The following PRDM2 variants were observed in gnomAD, a reference collection of about 807,000 sequenced individuals.
PRDM2 encodes PR/SET domain 2.
PRDM2 carries 30 observed loss-of-function variants against 130.0 expected under a neutral mutation model. The observed-to-expected ratio is 0.23, with a 90% CI of 0.17 to 0.31. PRDM2 has a LOEUF of 0.31. Among genes scored for constraint, PRDM2 ranks in the 10% least tolerant of loss-of-function variants. PRDM2 has a pLI of 1.00. For synonymous variants in PRDM2, 871 were observed against 782.4 expected, an observed-to-expected ratio of 1.11 and a Z score of -1.89; for missense variants, 2,011 against 2,108.4, an observed-to-expected ratio of 0.95 and a Z score of 0.90.
chr1:13,749,291 G>T, intron 5 of PRDM2, 70 bp from the exon 6 acceptor site: 2 of 1,284,992 alleles, frequency 1.6e-6, no homozygotes, highest in South Asian at 1.5e-5. Flanking sequence ...CCGCGTCCCG[G>T]TGCGCGCCCC....
chr1:13,724,251 G>A (rs1212166239), intron 2 of PRDM2, among the ~76,000 whole-genome samples: 1 of 152,184 alleles, frequency 6.6e-6, no homozygotes, highest in East Asian at 1.9e-4. Context: ...GGCATTGACA[G>A]TAAGTTGTTG....
At chr1:13,730,018 T>C (rs1203303205) in intron 2 of PRDM2, among the ~76,000 whole-genome samples, 1 of 152,208 alleles carries the variant, frequency 6.6e-6, no homozygotes, top group Non-Finnish European at 1.5e-5. Context: ...TGGGAAAAAT[T>C]AATCTTTTTT....
chr1:13,808,916 C>A (rs1296484222), intron 8 of PRDM2, among the ~76,000 whole-genome samples: 1 of 152,194 alleles, frequency 6.6e-6, no homozygotes, highest in African/African-American at 2.4e-5. Context: ...ACAGAAGCAT[C>A]TCCAGAGCAG....
intron 6 of PRDM2, among the ~76,000 whole-genome samples, chr1:13,767,860 A>G (rs1364916255): frequency 6.6e-6 from 1 of 151,974 alleles, no homozygotes; most frequent in Non-Finnish European, 1.5e-5. Context: ...CTGTAGTTTC[A>G]GCTACATAGG....
intron 6 of PRDM2, among the ~76,000 whole-genome samples, chr1:13,770,709 A>T (rs1644341120): frequency 6.6e-6 from 1 of 152,222 alleles, no homozygotes; most frequent in Non-Finnish European, 1.5e-5. Flanking sequence ...GATCAGTAAA[A>T]AAAGGCCACA....
chr1:13,805,308 A>T (rs1028551493), intron 8 of PRDM2, among the ~76,000 whole-genome samples: 1 of 152,100 alleles, frequency 6.6e-6, no homozygotes, highest in Non-Finnish European at 1.5e-5. Context: ...TCCGTAATGG[A>T]GCTAGGATTC....
chr1:13,791,756 G>A (rs566840965), intron 8 of PRDM2, among the ~76,000 whole-genome samples: 24 of 152,314 alleles, frequency 1.6e-4, no homozygotes, highest in African/African-American at 5.1e-4. Context: ...GCATTTAATT[G>A]TGAGTCATTA....
At chr1:13,786,321 G>A (rs1350205069) in intron 8 of PRDM2, among the ~76,000 whole-genome samples, 1 of 152,098 alleles carries the variant, frequency 6.6e-6, no homozygotes, top group African/African-American at 2.4e-5. Context: ...TACATCCCTT[G>A]GAAATAAATG....
At chr1:13,731,245 T>TATATGGTGTTGATGC in intron 3 of PRDM2, 128 bp downstream of exon 3, 1 of 717,798 alleles carries the variant, frequency 1.4e-6, no homozygotes, top group Non-Finnish European at 2.4e-6. Context: ...CTTAGAAGAT[T>TATATGGTGTTGATGC]ATATGGTGTT....
chr1:13,788,489 G>C (rs1464174593), intron 8 of PRDM2, among the ~76,000 whole-genome samples: 3 of 152,156 alleles, frequency 2.0e-5, no homozygotes, highest in African/African-American at 7.2e-5. Flanking sequence ...GGTTTTTTAA[G>C]ATTAAAAATG....
At chr1:13,700,818 C>G (rs1642050430) in intron 1 of PRDM2, among the ~76,000 whole-genome samples, 1 of 152,170 alleles carries the variant, frequency 6.6e-6, no homozygotes, top group Admixed American at 6.5e-5. Flanking sequence ...GTGGTTTTAA[C>G]CTGGAGATTG....
intron 8 of PRDM2, among the ~76,000 whole-genome samples, chr1:13,816,169 A>G (rs765258378): frequency 2.0e-5 from 3 of 152,146 alleles, no homozygotes; most frequent in African/African-American, 4.8e-5. Context: ...AGCCCAATGG[A>G]CACTCCTCTT....
At chr1:13,791,218 C>T (rs1437963100) in intron 8 of PRDM2, among the ~76,000 whole-genome samples, 1 of 152,026 alleles carries the variant, frequency 6.6e-6, no homozygotes, top group Non-Finnish European at 1.5e-5. Context: ...GTGGAACAGT[C>T]ATTTGTGGGT....
At chr1:13,763,267 A>G (rs1413094741) in intron 6 of PRDM2, among the ~76,000 whole-genome samples, 3 of 152,220 alleles carry the variant, frequency 2.0e-5, no homozygotes, top group African/African-American at 7.2e-5. Flanking sequence ...TGAACAGGAA[A>G]AAGAATATGG....
intron 8 of PRDM2, chr1:13,786,774 G>A: frequency 7.5e-7 from 1 of 1,340,552 alleles, no homozygotes; most frequent in Non-Finnish European, 9.6e-7. Flanking sequence ...GGCACTGTAA[G>A]ACAGGCCAGA....
rs150128986 is a variant in PRDM2 at position 13,781,174 on chromosome 1, C to G, written c.3379C>G (p.Gln1127Glu). The change falls in exon 8 of 10, where the codon CAG becomes GAG. Residue 1127 changes from glutamine (Q) to glutamate (E), a missense_variant. Transcript: ENST00000311066. This position sits in a 1 kb window ranked among gnomAD's most constrained non-coding sequence, Gnocchi z 6.1. ...QSAAEQDVVV[Q>E]ETFNKNFVCN... is the part of the protein sequence containing the mutation. ...TGCTGCTGAACAGGATGTTGTTGTT[C>G]AGGAAACATTCAACAAAAACTTTGT... 1.2e-6 allele frequency: 2 copies of G among 1,614,042 alleles called. No individual in the cohort carries two copies. The highest frequency in any genetic ancestry group is 1.3e-5 in the African/African-American group (1 of 74,926).
At chr1:13,758,026 A>T (rs900236725) in intron 6 of PRDM2, among the ~76,000 whole-genome samples, 1 of 152,104 alleles carries the variant, frequency 6.6e-6, no homozygotes, top group Non-Finnish European at 1.5e-5. Flanking sequence ...TTATCCCACA[A>T]TAGATTCTTA....
chr1:13,716,425 A>G (rs1642540835), intron 2 of PRDM2, among the ~76,000 whole-genome samples: 1 of 152,122 alleles, frequency 6.6e-6, no homozygotes, highest in African/African-American at 2.4e-5. Context: ...CAATGTGCAC[A>G]TGTACCCTAA....
At chr1:13,753,250 A>G (rs1643879994) in intron 6 of PRDM2, among the ~76,000 whole-genome samples, 1 of 152,382 alleles carries the variant, frequency 6.6e-6, no homozygotes, top group Admixed American at 6.5e-5. Flanking sequence ...GATAGTGAAG[A>G]AGACAGAAAG....
Sources: gnomAD v4.1 joint callset for allele counts (sites outside exome capture counted in the v4.1 genomes callset) on GRCh38, gnomAD v4.1.1 for gene constraint, Gnocchi (gnomAD v3.1) non-coding constraint, MANE v1.5 for transcripts, NCBI Gene and HGNC (gene_info 2026-07-23, HGNC 2026-07-21) for gene names.